The following RAVER2 variants were observed in gnomAD, a reference collection of about 807,000 sequenced individuals.
The protein encoded by RAVER2 is ribonucleoprotein, PTB binding 2, also known as ribonucleoprotein PTB-binding 2.
A neutral mutation model predicts 78.1 loss-of-function variants in RAVER2; 46 were observed. The ratio of observed to expected loss-of-function variants is 0.59; its 90% CI spans 0.46 to 0.75. The LOEUF is 0.75. RAVER2 is among the 30% of genes least tolerant of loss of function. RAVER2 has a pLI of 0.00. For synonymous variants in RAVER2, 311 were observed against 313.3 expected, an observed-to-expected ratio of 0.99 and a Z score of 0.08; for missense variants, 793 against 837.5, an observed-to-expected ratio of 0.95 and a Z score of 0.66.
rs533324013 is a variant in RAVER2 at position 64,778,140 on chromosome 1, T to C, written c.786+48T>C. On this transcript the variant is annotated intron_variant, in intron 3 of 11. Coordinates refer to ENST00000294428, the Ensembl canonical transcript of RAVER2. ...TGAAATATTTTAAAATATATACATA[T>C]GTATCTAATCTACATACACTCACAA... 2.1e-5 allele frequency: 28 copies of C among 1,331,416 alleles called. No individual in the cohort carries two copies. The African/African-American group carries it at 3.7e-4, about 18-fold the overall frequency. The allele number at this position is 1,331,416 out of a possible 1,614,324, so 82.5% of individuals were successfully genotyped here.
chr1:64,785,463 G>A (rs954337396), intron 4 of RAVER2, among the ~76,000 whole-genome samples: 1 of 150,822 alleles, frequency 6.6e-6, no homozygotes, highest in Admixed American at 6.7e-5. Context: ...TCCGCCTGCC[G>A]GGTTCAAGCG....
chr1:64,755,728 T>TG (rs1206939940), intron 1 of RAVER2, among the ~76,000 whole-genome samples: 1 of 138,612 alleles, frequency 7.2e-6, no homozygotes, highest in Non-Finnish European at 1.6e-5. Context: ...TTCATAGTTT[T>TG]TTTTTTTTTT....
At chr1:64,803,152 T>C in intron 6 of RAVER2, 91 bp downstream of exon 6, 1 of 968,280 alleles carries the variant, frequency 1.0e-6, no homozygotes, top group Non-Finnish European at 1.6e-6. Context: ...AGAAATTAAA[T>C]GAGTATTTTG....
At chr1:64,832,501 G>C (rs1654178699) in exon 12 of RAVER2, 1 of 152,342 alleles carries the variant, frequency 6.6e-6, no homozygotes, top group African/African-American at 2.4e-5. Flanking sequence ...AATTGATAGG[G>C]AATTTGGGAT....
chr1:64,786,612 G>A (rs574323415), intron 4 of RAVER2, among the ~76,000 whole-genome samples: 3 of 151,894 alleles, frequency 2.0e-5, no homozygotes, highest in East Asian at 1.9e-4. Context: ...CCAACATGGC[G>A]AAACCCGGTC....
intron 3 of RAVER2, 69 bp downstream of exon 3, chr1:64,778,161 C>T (rs1313535096): frequency 8.9e-7 from 1 of 1,127,096 alleles, no homozygotes; most frequent in African/African-American, 1.6e-5. Flanking sequence ...TACATACACT[C>T]ACAAATTTAT....
In RAVER2 at chr1:64,745,927, G is replaced by C. The variant is rs1016060450; in HGVS notation, c.249+506G>C. Reference sequence around the variant, plus strand: ...TTTCGCTGTTGTTGCAGAAGCACTTGCCCAAGTTTCTATGAAACAACTCTG... The same window carrying C: ...TTTCGCTGTTGTTGCAGAAGCACTTCCCCAAGTTTCTATGAAACAACTCTG... On this transcript the variant is annotated intron_variant, in intron 1 of 11. Transcript: ENST00000294428. This position sits in a 1 kb window ranked among gnomAD's most constrained non-coding sequence, Gnocchi z 4.3. Among the ~76,000 whole-genome samples the C allele has an allele frequency of 6.6e-6, 1 of 152,146 alleles. No homozygotes were observed. The highest frequency in any genetic ancestry group is 2.4e-5 in the African/African-American group (1 of 41,428).
At chr1:64,819,182 G>A (rs1038675519) in intron 11 of RAVER2, among the ~76,000 whole-genome samples, 1 of 151,980 alleles carries the variant, frequency 6.6e-6, no homozygotes, top group East Asian at 1.9e-4. Context: ...CGACCCCAAG[G>A]TGACCCAGAT....
chr1:64,779,661 T>C (rs1005775722), intron 3 of RAVER2, among the ~76,000 whole-genome samples: 5 of 151,956 alleles, frequency 3.3e-5, no homozygotes, highest in African/African-American at 1.2e-4. Context: ...GGCTTATTGA[T>C]ATGTTCTTCT....
At chr1:64,823,696 A>G (rs928982676) in intron 11 of RAVER2, among the ~76,000 whole-genome samples, 3 of 152,190 alleles carry the variant, frequency 2.0e-5, no homozygotes, top group African/African-American at 7.2e-5. Flanking sequence ...TAATTAAAAT[A>G]GGTAAAAATA....
At chr1:64,823,931 C>T (rs1032721350) in intron 11 of RAVER2, among the ~76,000 whole-genome samples, 1 of 151,580 alleles carries the variant, frequency 6.6e-6, no homozygotes, top group African/African-American at 2.4e-5. Flanking sequence ...CTCAGCGTCC[C>T]GAGTAGCTCG....
chr1:64,752,927 C>T (rs1651739868), intron 1 of RAVER2, among the ~76,000 whole-genome samples: 1 of 152,084 alleles, frequency 6.6e-6, no homozygotes, highest in Admixed American at 6.5e-5. Context: ...GAGGACTGAC[C>T]TTGGAGGGGA....
intron 4 of RAVER2, among the ~76,000 whole-genome samples, chr1:64,787,105 A>G (rs1293106637): frequency 6.6e-6 from 1 of 152,164 alleles, no homozygotes; most frequent in Non-Finnish European, 1.5e-5. Context: ...CTTGTCCTTC[A>G]TGTTATGAGT....
intron 4 of RAVER2, among the ~76,000 whole-genome samples, chr1:64,785,177 A>C (rs370409189): frequency 4.6e-4 from 70 of 152,260 alleles, no homozygotes; most frequent in African/African-American, 1.7e-3. Context: ...TGTTTTCTAT[A>C]GGTTTTTGGT....
intron 2 of RAVER2, among the ~76,000 whole-genome samples, chr1:64,773,881 T>C (rs1272208835): frequency 6.6e-6 from 1 of 152,208 alleles, no homozygotes; most frequent in Non-Finnish European, 1.5e-5. Context: ...TTCTAACTGG[T>C]GTGAGATGGT....
intron 1 of RAVER2, among the ~76,000 whole-genome samples, chr1:64,759,375 C>T (rs1297364115): frequency 6.6e-6 from 1 of 151,228 alleles, no homozygotes; most frequent in African/African-American, 2.4e-5. Flanking sequence ...CGCCCGCCAC[C>T]ACGCCCGGCT....
chr1:64,800,623 T>C (rs548668353), intron 5 of RAVER2, among the ~76,000 whole-genome samples: 18 of 152,264 alleles, frequency 1.2e-4, no homozygotes, highest in Non-Finnish European at 2.1e-4. Context: ...TGCAGAGGAG[T>C]TCTTTTCCGT....
intron 5 of RAVER2, among the ~76,000 whole-genome samples, chr1:64,800,588 T>C (rs980143232): frequency 1.8e-4 from 27 of 152,190 alleles, no homozygotes; most frequent in Admixed American, 3.9e-4. Flanking sequence ...TTTCCCTAAT[T>C]TTCTACATTT....
At chr1:64,762,401 T>A (rs959141120) in intron 1 of RAVER2, among the ~76,000 whole-genome samples, 5 of 151,178 alleles carry the variant, frequency 3.3e-5, no homozygotes, top group Non-Finnish European at 7.4e-5. Context: ...GTTTTTTTTT[T>A]AATGAAAACT....
Sources: allele counts gnomAD v4.1 joint callset (sites outside exome capture counted in the v4.1 genomes callset), GRCh38; gene constraint gnomAD v4.1.1; non-coding constraint Gnocchi (gnomAD v3.1); transcripts MANE v1.5; gene names NCBI Gene and HGNC (gene_info 2026-07-23, HGNC 2026-07-21).